ANO10: variants seen among roughly 807,000 people sequenced by gnomAD.
ANO10 encodes the protein anoctamin 10, also known as anoctamin-10.
A neutral mutation model predicts 74.7 loss-of-function variants in ANO10; 77 were observed. That is an observed-to-expected ratio of 1.03 (90% CI 0.86 to 1.25). The LOEUF (loss-of-function observed/expected upper bound fraction) is 1.25, where lower values mean the gene tolerates loss of function less well. ANO10 is among the 50% of genes most tolerant of loss of function. ANO10 has a pLI of 0.00. For missense variants in ANO10, 721 were observed against 778.1 expected (o/e 0.93, Z 0.87); for synonymous variants, 279 against 284.9 (o/e 0.98, Z 0.21).
At chr3:43,528,770 G>A (rs985884025) in intron 11 of ANO10, among the ~76,000 whole-genome samples, 7 of 151,876 alleles carry the variant, frequency 4.6e-5, no homozygotes, top group South Asian at 2.1e-4. Context: ...ACCAGCCTGG[G>A]CAACATGGCA....
At chr3:43,570,612 G>A (rs1157542617) in intron 7 of ANO10, among the ~76,000 whole-genome samples, 2 of 151,722 alleles carry the variant, frequency 1.3e-5, no homozygotes, top group Non-Finnish European at 2.9e-5. Flanking sequence ...AAATGGTGCT[G>A]GGAAAACTGG....
At chr3:43,552,362 G>A (rs2079503570) in intron 10 of ANO10, among the ~76,000 whole-genome samples, 1 of 151,906 alleles carries the variant, frequency 6.6e-6, no homozygotes, top group African/African-American at 2.4e-5. Flanking sequence ...TCAACATAGT[G>A]GGAGCCCATG....
At chr3:43,604,135 T>C (rs970752543) in intron 2 of ANO10, among the ~76,000 whole-genome samples, 80 of 152,328 alleles carry the variant, frequency 5.3e-4, no homozygotes, top group African/African-American at 1.8e-3. Flanking sequence ...AAGTACATAG[T>C]AGTGCTTCAA....
chr3:43,656,604 G>A (rs1190295711), intron 1 of ANO10, among the ~76,000 whole-genome samples: 1 of 152,342 alleles, frequency 6.6e-6, no homozygotes, highest in East Asian at 1.9e-4. Flanking sequence ...GTGAGAAATC[G>A]AGCACAGAGC....
intron 1 of ANO10, among the ~76,000 whole-genome samples, chr3:43,610,990 G>A (rs1248236557): frequency 6.6e-6 from 1 of 152,132 alleles, no homozygotes; most frequent in Non-Finnish European, 1.5e-5. Flanking sequence ...TTCTTGTCTA[G>A]TTCTCTACCC....
At chr3:43,517,710 G>A (rs1407720658) in intron 11 of ANO10, among the ~76,000 whole-genome samples, 1 of 152,172 alleles carries the variant, frequency 6.6e-6, no homozygotes, top group East Asian at 1.9e-4. Flanking sequence ...CCCAGTCTGT[G>A]TTATTGTGCA....
intron 4 of ANO10, among the ~76,000 whole-genome samples, chr3:43,596,328 A>C (rs573285563): frequency 2.6e-5 from 4 of 152,350 alleles, no homozygotes; most frequent in Non-Finnish European, 4.4e-5. Flanking sequence ...CAAAAGAACA[A>C]AGCTGGAGGC....
At chr3:43,517,940 T>C (rs972101566) in intron 11 of ANO10, among the ~76,000 whole-genome samples, 1 of 152,190 alleles carries the variant, frequency 6.6e-6, no homozygotes, top group Non-Finnish European at 1.5e-5. Flanking sequence ...CTTTGTGGAC[T>C]AACACCAGTC....
At chr3:43,521,784 A>G (rs1488041360) in intron 11 of ANO10, among the ~76,000 whole-genome samples, 2 of 152,154 alleles carry the variant, frequency 1.3e-5, no homozygotes, top group African/African-American at 2.4e-5. Context: ...CAGTGATTCT[A>G]CTCCTGGGTA....
At chr3:43,631,734 T>C (rs1199983729) in intron 1 of ANO10, among the ~76,000 whole-genome samples, 1 of 148,732 alleles carries the variant, frequency 6.7e-6, no homozygotes, top group African/African-American at 2.5e-5. Context: ...CATTATTTTC[T>C]ATGGCAAAAG....
At chr3:43,412,686 T>C (rs557880943) in intron 12 of ANO10, among the ~76,000 whole-genome samples, 6 of 152,208 alleles carry the variant, frequency 3.9e-5, no homozygotes, top group Non-Finnish European at 8.8e-5. Flanking sequence ...ATGGAAAGCA[T>C]GTGTGCTATG....
chr3:43,587,527 T>C (rs2081534470), intron 4 of ANO10, among the ~76,000 whole-genome samples: 1 of 152,090 alleles, frequency 6.6e-6, no homozygotes, highest in Non-Finnish European at 1.5e-5. Flanking sequence ...GGATCATAGC[T>C]CTGACAGCAG....
At chr3:43,505,112 C>G (rs2077245131) in intron 11 of ANO10, among the ~76,000 whole-genome samples, 1 of 152,178 alleles carries the variant, frequency 6.6e-6, no homozygotes, top group East Asian at 1.9e-4. Flanking sequence ...AAAACAAAAG[C>G]AGCTTCTGGT....
chr3:43,644,785 T>G (rs1445958608), intron 1 of ANO10, among the ~76,000 whole-genome samples: 1 of 152,216 alleles, frequency 6.6e-6, no homozygotes, highest in Non-Finnish European at 1.5e-5. Flanking sequence ...TGATAGGCCC[T>G]TCCTCCCACT....
chr3:43,663,928 A>T (rs1371753850), intron 1 of ANO10, among the ~76,000 whole-genome samples: 1 of 152,248 alleles, frequency 6.6e-6, no homozygotes, highest in African/African-American at 2.4e-5. Flanking sequence ...GATAGGAAGA[A>T]TCAATATCAT....
intron 4 of ANO10, among the ~76,000 whole-genome samples, chr3:43,594,885 AAG>A (rs1239278061): frequency 1.1e-4 from 16 of 152,192 alleles, no homozygotes; most frequent in Admixed American, 1.0e-3. Flanking sequence ...TAAAGAAGAA[AAG>A]AGAGAAGAAT....
chr3:43,634,300 A>G (rs528808331), intron 1 of ANO10, among the ~76,000 whole-genome samples: 150 of 152,292 alleles, frequency 9.8e-4, no homozygotes, highest in Middle Eastern at 3.4e-3. Flanking sequence ...GTCTTTTAAT[A>G]ATTAAAAAAA....
At chr3:43,582,553 AACC>A (rs1384028168) in intron 4 of ANO10, among the ~76,000 whole-genome samples, 1 of 152,242 alleles carries the variant, frequency 6.6e-6, no homozygotes, top group African/African-American at 2.4e-5. Context: ...CTTAAAAGTA[AACC>A]CAACTTCTTA....
chr3:43,557,656 A>G (rs999660903), intron 9 of ANO10, among the ~76,000 whole-genome samples: 1 of 147,228 alleles, frequency 6.8e-6, no homozygotes, highest in Non-Finnish European at 1.5e-5. Context: ...AATGGTATAA[A>G]CCTGGGAGGC....
Sources: gnomAD v4.1 joint callset for allele counts (sites outside exome capture counted in the v4.1 genomes callset) on GRCh38, gnomAD v4.1.1 for gene constraint, MANE v1.5 for transcripts, NCBI Gene and HGNC (gene_info 2026-07-23, HGNC 2026-07-21) for gene names.